Variants in RNF185 observed in about 807,000 individuals in gnomAD.
RNF185 encodes the protein E3 ubiquitin-protein ligase RNF185.
Under a neutral mutation model 24.9 loss-of-function variants are expected in RNF185, and 13 were observed. The ratio of observed to expected loss-of-function variants is 0.52; its 90% CI spans 0.34 to 0.83. The LOEUF (loss-of-function observed/expected upper bound fraction) is 0.83. RNF185 is among the 40% of genes least tolerant of loss of function. The pLI, the probability that RNF185 is intolerant of heterozygous loss-of-function variation, is 0.01. For missense variants in RNF185, 184 were observed against 244.7 expected (o/e 0.75, Z 1.65); for synonymous variants, 79 against 90.3 (o/e 0.88, Z 0.71).
At chr22:31,193,323 G>T (rs2048173516) in intron 3 of RNF185, among the ~76,000 whole-genome samples, 1 of 152,120 alleles carries the variant, frequency 6.6e-6, no homozygotes, top group Non-Finnish European at 1.5e-5. Context: ...GTGGGAACAG[G>T]GCTGCACATT....
At chr22:31,166,324 G>C (rs1923916801) in intron 1 of RNF185, among the ~76,000 whole-genome samples, 1 of 152,024 alleles carries the variant, frequency 6.6e-6, no homozygotes, top group African/African-American at 2.4e-5. Context: ...GGGAAATACA[G>C]AAAAATCTCC....
intron 1 of RNF185, among the ~76,000 whole-genome samples, chr22:31,174,956 C>T (rs1393044396): frequency 6.6e-6 from 1 of 151,832 alleles, no homozygotes; most frequent in African/African-American, 2.4e-5. Context: ...GCCTGTAATC[C>T]TAGCTACTTG....
rs1386727956 is a variant in RNF185 at position 31,206,719 on chromosome 22, G to A, written c.*2133G>A. ...CCACTCACCCTCTGCCAGGAGCTAA[G>A]TAAGGCAGGAGAGCTGACTTGGGAC... On this transcript the variant is annotated 3_prime_UTR_variant, in exon 7 of 7. Transcript: ENST00000326132. 6.6e-6 allele frequency: 1 copy of A among 152,240 alleles called. No homozygotes were observed. Among genetic ancestry groups the A allele is most frequent in the Admixed American group, 6.5e-5 (1 of 15,284 alleles). 9.4% of individuals were successfully genotyped at this position (152,240 alleles called of 1,614,324 possible). A position where few individuals can be genotyped will look rare whatever the true frequency, so the allele number is the denominator to read the frequency against.
At chr22:31,189,165 T>TGTGTGTGTG (rs1568968952) in intron 2 of RNF185, among the ~76,000 whole-genome samples, 1 of 77,232 alleles carries the variant, frequency 1.3e-5, no homozygotes, top group African/African-American at 4.5e-5. Context: ...GTGTGTGTGT[T>TGTGTGTGTG]TGTGTTTGTG....
At chr22:31,169,531 T>C (rs1340779161) in intron 1 of RNF185, among the ~76,000 whole-genome samples, 1 of 151,642 alleles carries the variant, frequency 6.6e-6, no homozygotes, top group Non-Finnish European at 1.5e-5. Context: ...CTGGTTATCA[T>C]ACCCTACTTC....
At chr22:31,165,790 T>A (rs1310396332) in intron 1 of RNF185, among the ~76,000 whole-genome samples, 2 of 152,204 alleles carry the variant, frequency 1.3e-5, no homozygotes, top group Non-Finnish European at 2.9e-5. Context: ...CTCTGCTGTA[T>A]GTCTGGTTAT....
At chr22:31,188,390 A>C (rs1448215086) in intron 2 of RNF185, among the ~76,000 whole-genome samples, 1 of 152,318 alleles carries the variant, frequency 6.6e-6, no homozygotes, top group East Asian at 1.9e-4. Flanking sequence ...TGTGATCCAC[A>C]TTCTCCTAGA....
intron 1 of RNF185, among the ~76,000 whole-genome samples, chr22:31,162,788 G>A (rs1479072110): frequency 1.4e-5 from 2 of 143,318 alleles, no homozygotes; most frequent in East Asian, 2.0e-4. Flanking sequence ...TTTTTAAGAC[G>A]GAGTCTCGCT....
At chr22:31,166,045 G>T (rs1001164783) in intron 1 of RNF185, among the ~76,000 whole-genome samples, 1 of 152,082 alleles carries the variant, frequency 6.6e-6, no homozygotes, top group African/African-American at 2.4e-5. Flanking sequence ...AGGCTGGAGT[G>T]CAGTGGCACA....
intron 2 of RNF185, among the ~76,000 whole-genome samples, chr22:31,191,764 G>A (rs569602978): frequency 1.3e-5 from 2 of 150,772 alleles, no homozygotes; most frequent in African/African-American, 4.9e-5. Flanking sequence ...CCTGGGAGGT[G>A]GAGGTTGCAG....
chr22:31,160,775 CT>C (rs897241824), intron 1 of RNF185, among the ~76,000 whole-genome samples: 10 of 152,164 alleles, frequency 6.6e-5, no homozygotes, highest in Non-Finnish European at 1.5e-4. Flanking sequence ...TTTCTCGTCT[CT>C]AAAACGGGGC....
intron 1 of RNF185, among the ~76,000 whole-genome samples, chr22:31,179,865 C>T (rs1035078466): frequency 6.6e-6 from 1 of 152,232 alleles, no homozygotes; most frequent in African/African-American, 2.4e-5. Context: ...AAATGTGTGC[C>T]TCCCCAACAG....
At chr22:31,170,311 C>G (rs904620864) in intron 1 of RNF185, among the ~76,000 whole-genome samples, 1 of 152,066 alleles carries the variant, frequency 6.6e-6, no homozygotes, top group African/African-American at 2.4e-5. Context: ...GCCTCAGCCC[C>G]CCGAGTAGCT....
In RNF185 at chr22:31,206,282, T is replaced by G. The variant is rs1304536407; in HGVS notation, c.*1696T>G. On this transcript the variant is annotated 3_prime_UTR_variant, in exon 7 of 7. Transcript: ENST00000326132. ...GACAAAATATAAAGTATTGAGTAGG[T>G]GGTTCATATGCCGAATCCACTTGGT... 1 of 152,552 alleles carries G rather than the reference T, an allele frequency of 6.6e-6. No homozygotes were observed. Among genetic ancestry groups the G allele is most frequent in the Non-Finnish European group, 1.5e-5 (1 of 68,042 alleles). 9.4% of individuals were successfully genotyped at this position (152,552 alleles called of 1,614,324 possible).
chr22:31,190,466 T>C (rs958303188), intron 2 of RNF185, among the ~76,000 whole-genome samples: 1 of 152,078 alleles, frequency 6.6e-6, no homozygotes, highest in Non-Finnish European at 1.5e-5. Context: ...TTTGTATTTT[T>C]AGTAGAGACG....
In RNF185 at chr22:31,206,152, T is replaced by C. The variant is rs1283065670; in HGVS notation, c.*1566T>C. On this transcript the variant is annotated 3_prime_UTR_variant, in exon 7 of 7. Coordinates refer to ENST00000326132, the MANE Select transcript of RNF185 (RefSeq NM_152267.4). ...TTTTCTCAATTATGACTGCATAGTTTATGGAAACAAAGATCTTGAGGAAGA... is the reference window on the plus strand; with the variant it reads ...TTTTCTCAATTATGACTGCATAGTTCATGGAAACAAAGATCTTGAGGAAGA... 6.5e-6 allele frequency: 1 copy of C among 153,566 alleles called. No homozygotes were observed. Among genetic ancestry groups the C allele is most frequent in the Non-Finnish European group, 1.5e-5 (1 of 68,162 alleles). The allele number at this position is 153,566 out of a possible 1,614,324, so 9.5% of individuals were successfully genotyped here.
chr22:31,167,812 C>T (rs1924024982), intron 1 of RNF185, among the ~76,000 whole-genome samples: 1 of 151,952 alleles, frequency 6.6e-6, no homozygotes, highest in Admixed American at 6.6e-5. Flanking sequence ...TGGGGTTTTG[C>T]CATTTGCCCA....
intron 1 of RNF185, among the ~76,000 whole-genome samples, chr22:31,179,171 G>A (rs2048011006): frequency 6.6e-6 from 1 of 152,220 alleles, no homozygotes; most frequent in Non-Finnish European, 1.5e-5. Flanking sequence ...AAAGTCTATA[G>A]CTTCTACAGG....
intron 1 of RNF185, among the ~76,000 whole-genome samples, chr22:31,173,866 A>G (rs1181981956): frequency 2.6e-5 from 4 of 152,212 alleles, no homozygotes; most frequent in Non-Finnish European, 5.9e-5. Context: ...CAGTTCATAA[A>G]CATACACAGT....
Sources: allele counts gnomAD v4.1 joint callset (sites outside exome capture counted in the v4.1 genomes callset), GRCh38; gene constraint gnomAD v4.1.1; transcripts MANE v1.5; gene names NCBI Gene and HGNC (gene_info 2026-07-23, HGNC 2026-07-21).